CNGB1: variants seen among roughly 807,000 people sequenced by gnomAD.
CNGB1 encodes cyclic nucleotide gated channel subunit beta 1, also known as cyclic nucleotide-gated channel beta-1.
In CNGB1, 126 loss-of-function variants were observed where a neutral mutation model predicts 151.7. The ratio of observed to expected loss-of-function variants is 0.83; its 90% CI spans 0.72 to 0.96. The LOEUF (loss-of-function observed/expected upper bound fraction) is 0.96, where lower values mean the gene tolerates loss of function less well. CNGB1 is among the 40% of genes least tolerant of loss of function. CNGB1 has a pLI of 0.00. For missense variants in CNGB1, 1,698 were observed against 1,627.0 expected, an observed-to-expected ratio of 1.04 and a Z score of -0.75; for synonymous variants, 623 against 635.1, an observed-to-expected ratio of 0.98 and a Z score of 0.29.
At chr16:57,889,242 A>G (rs1960021042) in intron 31 of CNGB1, among the ~76,000 whole-genome samples, 1 of 152,078 alleles carries the variant, frequency 6.6e-6, no homozygotes, top group Non-Finnish European at 1.5e-5. Context: ...GGCTCGAGCA[A>G]TCCTCCTGCC....
At chr16:57,950,220 T>C (rs2149381682) in intron 13 of CNGB1, among the ~76,000 whole-genome samples, 161 bp downstream of exon 13, 1 of 152,310 alleles carries the variant, frequency 6.6e-6, no homozygotes, top group Middle Eastern at 3.4e-3. Flanking sequence ...CATAAGAACC[T>C]GGTAGCCATT....
chr16:57,897,604 T>A (rs1317068507), intron 30 of CNGB1, 61 bp from the exon 31 acceptor site: 2 of 1,610,852 alleles, frequency 1.2e-6, no homozygotes, highest in African/African-American at 2.7e-5. Flanking sequence ...CACATTCAGA[T>A]CTTCATTTCC....
intron 17 of CNGB1, among the ~76,000 whole-genome samples, chr16:57,926,772 G>A (rs1476437170): frequency 6.6e-6 from 1 of 152,166 alleles, no homozygotes; most frequent in East Asian, 1.9e-4. Flanking sequence ...TTGAGGTCAG[G>A]AGTTCAAGAC....
At chr16:57,904,457 G>T (rs1960483136) in intron 26 of CNGB1, among the ~76,000 whole-genome samples, 1 of 152,138 alleles carries the variant, frequency 6.6e-6, no homozygotes, top group Non-Finnish European at 1.5e-5. Flanking sequence ...AACACCAGGG[G>T]CTTCTCCCTC....
chr16:57,915,301 A>G lies in CNGB1; in HGVS notation c.2252T>C (p.Leu751Pro), dbSNP rs1960834859. The change falls in exon 23 of 33, where the codon CTC becomes CCC. Residue 751 changes from leucine to proline, a missense_variant. Leu to Pro is a moderately conservative substitution (Grantham distance 98). Transcript: ENST00000251102. The part of the protein sequence containing the change: ...DLLSLLPLDF[L>P]YLKVGVNPLL... The stretch of plus-strand genomic sequence containing the variant: ...GGGGTTCACACCGACTTTCAAATAG[A>G]GAAAATCCAAGGGCAGGAGGCTGAG... 6.2e-7 allele frequency: 1 copy of G among 1,614,060 alleles called. No individual in the cohort carries two copies.
In CNGB1 at chr16:57,884,065, T is replaced by C. The variant is rs1356425518; in HGVS notation, c.*99A>G. On this transcript the variant is annotated 3_prime_UTR_variant, in exon 33 of 33. Transcript: ENST00000251102. ...CACGACTACGGAAAAGCATCTTCTCTTGAGCCGTGGGGGAAGGTGGGGCGC... is the reference window on the plus strand; with the variant it reads ...CACGACTACGGAAAAGCATCTTCTCCTGAGCCGTGGGGGAAGGTGGGGCGC... 8.3e-6 allele frequency: 13 copies of C among 1,560,484 alleles called. No individual in the cohort carries two copies.
intron 18 of CNGB1, among the ~76,000 whole-genome samples, chr16:57,921,057 A>G (rs1410966815): frequency 1.3e-5 from 2 of 152,006 alleles, no homozygotes; most frequent in Admixed American, 1.3e-4. Context: ...AGAGAGAGAG[A>G]GAAACTGCTT....
chr16:57,927,928 G>T (rs1430939141), intron 17 of CNGB1, among the ~76,000 whole-genome samples: 1 of 152,214 alleles, frequency 6.6e-6, no homozygotes, highest in African/African-American at 2.4e-5. Context: ...GTGAAACTGT[G>T]TCTCTTTTCT....
chr16:57,946,268 C>G (rs1438764166), intron 14 of CNGB1: 2 of 152,538 alleles, frequency 1.3e-5, no homozygotes, highest in East Asian at 3.8e-4. Flanking sequence ...TGTGCCATCC[C>G]GCAGGCCGTG....
intron 16 of CNGB1, among the ~76,000 whole-genome samples, chr16:57,934,128 G>A (rs1168176940): frequency 6.6e-6 from 1 of 152,098 alleles, no homozygotes; most frequent in African/African-American, 2.4e-5. Context: ...ATCCTCTGGA[G>A]AAGAGGATGA....
At chr16:57,897,342 A>C in intron 31 of CNGB1, 55 bp downstream of exon 31, 15 of 1,593,376 alleles carry the variant, frequency 9.4e-6, no homozygotes, top group East Asian at 2.2e-5. Context: ...TGGTTATGTA[A>C]GAGAAATTCA....
chr16:57,910,966 C>T (rs1331843916), intron 25 of CNGB1, among the ~76,000 whole-genome samples: 2 of 152,042 alleles, frequency 1.3e-5, no homozygotes, highest in Admixed American at 6.6e-5. Flanking sequence ...CTTTTTGGTT[C>T]GCACGTCATC....
intron 19 of CNGB1, 49 bp downstream of exon 19, chr16:57,920,338 G>T (rs1278713579): frequency 1.2e-6 from 2 of 1,607,202 alleles, no homozygotes; most frequent in Non-Finnish European, 1.7e-6. Flanking sequence ...AACTTTGGAG[G>T]CCCCACCCCA....
chr16:57,911,677 G>T, intron 25 of CNGB1, 76 bp downstream of exon 25: 1 of 1,595,932 alleles, frequency 6.3e-7, no homozygotes, highest in South Asian at 1.1e-5. Context: ...ACTCCTTCCT[G>T]GAGTCTCTGT....
rs200431101 is a variant in CNGB1 at position 57,919,211 on chromosome 16, G to A, written c.1845C>T (p.Pro615=). ...KAPEPAPDTK[P]AEAEPVEEEH... ...CCTCTTCCACTGGCTCGGCTTCAGCGGGCTTTGTGTCTGGAGCTGGCTCTG... is the reference window on the plus strand; with the variant it reads ...CCTCTTCCACTGGCTCGGCTTCAGCAGGCTTTGTGTCTGGAGCTGGCTCTG... Residue 615 remains proline (P), a synonymous_variant, in exon 20 of 33, where the codon CCC becomes CCT. Coordinates refer to ENST00000251102, the MANE Select transcript of CNGB1 (RefSeq NM_001297.5). The A allele has an allele frequency of 3.7e-5, 60 of 1,614,086 alleles. No homozygotes were observed. The highest frequency in any genetic ancestry group is 8.9e-5 in the East Asian group (4 of 44,896).
At chr16:57,892,887 C>T (rs542215468) in intron 31 of CNGB1, among the ~76,000 whole-genome samples, 1 of 152,324 alleles carries the variant, frequency 6.6e-6, no homozygotes, top group East Asian at 1.9e-4. Flanking sequence ...TTATCTCAGA[C>T]AGCTCTCCGT....
intron 20 of CNGB1, among the ~76,000 whole-genome samples, chr16:57,918,518 T>A (rs1356249922): frequency 6.6e-6 from 1 of 152,180 alleles, no homozygotes; most frequent in African/African-American, 2.4e-5. Flanking sequence ...TTCCTGCTCT[T>A]TTTCTGTTCA....
intron 1 of CNGB1, among the ~76,000 whole-genome samples, chr16:57,968,433 G>T (rs1182662100): frequency 1.3e-5 from 2 of 152,080 alleles, no homozygotes. Context: ...GGAGGTAGAG[G>T]TTGCAGTGAA....
At chr16:57,916,103 C>G (rs747760430) in intron 22 of CNGB1, 26 bp downstream of exon 22, 16 of 1,613,444 alleles carry the variant, frequency 9.9e-6, no homozygotes, top group Non-Finnish European at 1.2e-5. Flanking sequence ...CCCGCAGACG[C>G]TAAACCTTGC....
Sources: gnomAD v4.1 joint callset for allele counts (sites outside exome capture counted in the v4.1 genomes callset) on GRCh38, gnomAD v4.1.1 for gene constraint, MANE v1.5 for transcripts, NCBI Gene and HGNC (gene_info 2026-07-23, HGNC 2026-07-21) for gene names.